Variants in CYFIP2 observed in about 807,000 individuals in gnomAD.
CYFIP2 encodes the protein cytoplasmic FMR1 interacting protein 2.
In CYFIP2, 29 loss-of-function variants were observed where a neutral mutation model predicts 158.7. The ratio of observed to expected loss-of-function variants is 0.18; its 90% CI spans 0.14 to 0.25. The LOEUF (loss-of-function observed/expected upper bound fraction) is 0.25, where lower values mean the gene tolerates loss of function less well. Ranked by LOEUF, CYFIP2 falls within the 10% of genes least tolerant of loss-of-function variation. The probability of loss-of-function intolerance (pLI) is 1.00; values close to 1 mark genes in which losing one functional copy is unlikely to be tolerated. For missense variants in CYFIP2, 852 were observed against 1,639.5 expected (o/e 0.52, Z 8.29); for synonymous variants, 585 against 617.6 (o/e 0.95, Z 0.78).
chr5:157,299,022 A>T (rs1758488671), intron 5 of CYFIP2, among the ~76,000 whole-genome samples: 1 of 152,158 alleles, frequency 6.6e-6, no homozygotes, highest in South Asian at 2.1e-4. Flanking sequence ...ACAAACATTG[A>T]TCGTTCACGT....
Position 157,303,100 on chromosome 5 carries a change from G to T in CYFIP2, c.666+210G>T, listed in dbSNP as rs900596487. On this transcript the variant is annotated intron_variant, in intron 7 of 30. Transcript: ENST00000620254. The stretch of plus-strand genomic sequence containing the variant: ...TTCACCCTCTCCAGTTGTCATGCTC[G>T]TGAAGCCCTCTCAGCCAGTGCTCTG... 4.5e-5 allele frequency: 23 copies of T among 511,274 alleles called. No homozygotes were observed. The Admixed American group carries it at 7.5e-4, about 17-fold the overall frequency. The allele number at this position is 511,274 out of a possible 1,614,324, so 31.7% of individuals were successfully genotyped here. A position where few individuals can be genotyped will look rare whatever the true frequency, so the allele number is the denominator to read the frequency against.
At chr5:157,343,089 C>T in intron 23 of CYFIP2, 2 of 1,614,210 alleles carry the variant, frequency 1.2e-6, no homozygotes, top group Non-Finnish European at 1.7e-6. Flanking sequence ...TCCATGTGGC[C>T]AGCCCTGTAA....
intron 27 of CYFIP2, 120 bp from the exon 28 acceptor site, chr5:157,383,145 C>CA (rs1202971900): frequency 2.4e-6 from 2 of 820,132 alleles, no homozygotes; most frequent in Non-Finnish European, 4.1e-6. Flanking sequence ...AGAGCAGTTC[C>CA]ACACACTCCA....
intron 3 of CYFIP2, chr5:157,288,547 G>T: frequency 2.2e-6 from 1 of 454,844 alleles, no homozygotes; most frequent in Non-Finnish European, 4.4e-6. Flanking sequence ...GGCCAGTCCT[G>T]ATCCTCAGTG....
intron 23 of CYFIP2, among the ~76,000 whole-genome samples, chr5:157,346,999 C>T (rs975221819): frequency 2.0e-5 from 3 of 152,162 alleles, no homozygotes; most frequent in Non-Finnish European, 2.9e-5. Context: ...ATTGAGATCA[C>T]AGGGTGTGTC....
chr5:157,390,390 A>T, intron 29 of CYFIP2, 131 bp from the exon 30 acceptor site: 1 of 777,476 alleles, frequency 1.3e-6, no homozygotes, highest in Non-Finnish European at 2.0e-6. Flanking sequence ...TACCCATTTT[A>T]TAGGTTAAGA....
At chr5:157,318,608 G>GA (rs147496991) in intron 13 of CYFIP2, among the ~76,000 whole-genome samples, 134 of 152,180 alleles carry the variant, frequency 8.8e-4, no homozygotes, top group African/African-American at 3.0e-3. Flanking sequence ...AAGTTTTAGA[G>GA]AAAAAAACAG....
chr5:157,371,115 A>G (rs1002091355), intron 26 of CYFIP2, among the ~76,000 whole-genome samples: 8 of 152,106 alleles, frequency 5.3e-5, no homozygotes, highest in Non-Finnish European at 1.2e-4. Context: ...GTGCAAGGGG[A>G]GAGGGTCATG....
intron 23 of CYFIP2, among the ~76,000 whole-genome samples, chr5:157,356,722 C>G (rs770177423): frequency 1.3e-5 from 2 of 152,182 alleles, no homozygotes; most frequent in Non-Finnish European, 2.9e-5. Flanking sequence ...AAGCTGCACT[C>G]GCTTAGAAGA....
intron 15 of CYFIP2, 21 bp from the exon 16 acceptor site, chr5:157,323,900 C>T: frequency 6.5e-7 from 1 of 1,533,034 alleles, no homozygotes; most frequent in Non-Finnish European, 8.8e-7. Flanking sequence ...CTGACCTTCT[C>T]ATCTTGCTTT....
intron 23 of CYFIP2, chr5:157,342,851 C>T: frequency 6.2e-7 from 1 of 1,603,208 alleles, no homozygotes; most frequent in South Asian, 1.1e-5. Flanking sequence ...CGGGCGCTCT[C>T]CTCCCCACTC....
chr5:157,274,532 A>T (rs1430719628), intron 1 of CYFIP2, among the ~76,000 whole-genome samples: 1 of 152,228 alleles, frequency 6.6e-6, no homozygotes, highest in Admixed American at 6.5e-5. Context: ...TGCCATGAAC[A>T]TCCATGTACA....
chr5:157,383,573 C>CA lies in CYFIP2; in HGVS notation c.3207+215dup, dbSNP rs938374010. ...TGAGTGTTTCTTCTGTAGCCTGTAT[C>CA]ATGTATCCTGCCAACAAGTCGTCTG... On this transcript the variant is annotated intron_variant, in intron 28 of 30. Coordinates refer to ENST00000620254, the MANE Select transcript of CYFIP2 (RefSeq NM_001037333.3). 1.5e-5 allele frequency: 7 copies of CA among 475,098 alleles called. No individual in the cohort carries two copies. The South Asian group carries it at 2.3e-4, about 16-fold the overall frequency. 29.4% of individuals were successfully genotyped at this position (475,098 alleles called of 1,614,324 possible).
At position 157,327,358 on chromosome 5, in the gene CYFIP2, A is replaced by G. The variant is rs185739517; in HGVS notation, c.2080-615A>G. On this transcript the variant is annotated intron_variant, in intron 18 of 30. Coordinates refer to ENST00000620254, the MANE Select transcript of CYFIP2 (RefSeq NM_001037333.3). ...GGTGGGTGGATCACCTGAGGTCAGA[A>G]GTTCGAGACCAACCTGGCCAACATG... 4.3e-3 allele frequency among the ~76,000 whole-genome samples: 654 copies of G among 152,270 alleles called. 5 individuals are homozygous for G. The highest frequency in any genetic ancestry group is 0.015 in the African/African-American group (617 of 41,542).
chr5:157,298,980 A>T (rs891822985), intron 5 of CYFIP2, among the ~76,000 whole-genome samples: 1 of 152,148 alleles, frequency 6.6e-6, no homozygotes, highest in Non-Finnish European at 1.5e-5. Flanking sequence ...GTTGATGGAC[A>T]TTGGTTTATT....
chr5:157,365,127 G>GA (rs1342555563), intron 26 of CYFIP2: 1 of 152,058 alleles, frequency 6.6e-6, no homozygotes, highest in Non-Finnish European at 1.5e-5. Context: ...TATGAGGGAG[G>GA]AATCCAGGAT....
chr5:157,336,187 G>C (rs1761844869), intron 21 of CYFIP2, among the ~76,000 whole-genome samples: 1 of 152,154 alleles, frequency 6.6e-6, no homozygotes, highest in Non-Finnish European at 1.5e-5. Context: ...GAGATGGGGA[G>C]GCAACTTGAT....
intron 23 of CYFIP2, chr5:157,343,348 C>G: frequency 1.2e-6 from 2 of 1,614,178 alleles, no homozygotes; most frequent in Non-Finnish European, 8.5e-7. Flanking sequence ...CAAGATGTTC[C>G]AGCACCACGG....
rs553449633 is a variant in CYFIP2, at chr5:157,267,125, T to C, written c.-24+930T>C. On this transcript the variant is annotated intron_variant, in intron 1 of 30. Transcript: ENST00000620254. ...AGGTGCCTCCCCAGCACAGGGAATCTGATTTTGACCTTTGCTTGCCTACTT... is the reference window on the plus strand; with the variant it reads ...AGGTGCCTCCCCAGCACAGGGAATCCGATTTTGACCTTTGCTTGCCTACTT... Among the ~76,000 whole-genome samples, 6 of 152,334 alleles carry C rather than the reference T, an allele frequency of 3.9e-5. No homozygotes were observed. The East Asian group carries it at 7.7e-4, about 20-fold the overall frequency.
Sources: allele counts gnomAD v4.1 joint callset (sites outside exome capture counted in the v4.1 genomes callset), GRCh38; gene constraint gnomAD v4.1.1; transcripts MANE v1.5; gene names NCBI Gene and HGNC (gene_info 2026-07-23, HGNC 2026-07-21).